The following PDCD1 variants were observed in gnomAD, a reference collection of about 807,000 sequenced individuals.
PDCD1 encodes the protein programmed cell death protein 1.
Under a neutral mutation model 23.6 loss-of-function variants are expected in PDCD1, and 10 were observed. The ratio of observed to expected loss-of-function variants is 0.42; its 90% CI spans 0.26 to 0.72. PDCD1 has a LOEUF of 0.72. PDCD1 is among the 30% of genes least tolerant of loss of function. The pLI is 0.24. For missense variants in PDCD1, 313 were observed against 397.8 expected (o/e 0.79, Z 1.81); for synonymous variants, 168 against 169.3 (o/e 0.99, Z 0.06).
intron 1 of PDCD1, among the ~76,000 whole-genome samples, chr2:241,854,098 A>C (rs116930150): frequency 3.9e-5 from 6 of 152,294 alleles, no homozygotes; most frequent in African/African-American, 1.4e-4. Context: ...CTGGCTGGAC[A>C]CCAGAGGTGG....
rs1329273918 is a variant in PDCD1 at position 241,849,908 on chromosome 2, T to C, written c.*1150A>G. The C allele has an allele frequency of 7.1e-5, 13 of 184,016 alleles. 1 individual carries two copies. In the East Asian group the frequency reaches 1.1e-3, roughly 16 times the overall value. 11.4% of individuals were successfully genotyped at this position (184,016 alleles called of 1,614,324 possible). ...CTTAGCATGCTCTCATATTTAATTATAATTATAATATAATAGAACCACAGG... is the reference window on the plus strand; with the variant it reads ...CTTAGCATGCTCTCATATTTAATTACAATTATAATATAATAGAACCACAGG... On this transcript the variant is annotated 3_prime_UTR_variant, in exon 5 of 5. Coordinates refer to ENST00000334409, the MANE Select transcript of PDCD1 (RefSeq NM_005018.3).
chr2:241,854,100 C>G (rs948228769), intron 1 of PDCD1, among the ~76,000 whole-genome samples: 4 of 152,188 alleles, frequency 2.6e-5, no homozygotes, highest in African/African-American at 9.7e-5. Context: ...GGCTGGACAC[C>G]AGAGGTGGGT....
rs370660750 is a variant in PDCD1 at position 241,852,310 on chromosome 2, G to C, written c.480C>G (p.Pro160=). The C allele has an allele frequency of 1.1e-4, 170 of 1,610,840 alleles. No individual in the cohort carries two copies. The highest frequency in any genetic ancestry group is 1.3e-4 in the Non-Finnish European group (159 of 1,178,772). Residue 160 remains proline (P), a synonymous_variant, in exon 3 of 5, where the codon CCC becomes CCG. Coordinates refer to ENST00000334409, the MANE Select transcript of PDCD1 (RefSeq NM_005018.3). ...EVPTAHPSPS[P]RPAGQFQTLV... is the part of the protein sequence containing the mutation. ...GGGTTTGGAACTGGCCGGCTGGCCT[G>C]GGTGAGGGGCTGGGGTGGGCTGTGG...
rs1182101119 is a variant in PDCD1, at chr2:241,851,962, G to A, written c.614C>T (p.Thr205Ile). ...AGTGAGACTCACCAGGGGCTGGCCG[G>A]TGCGCCTGGCTCCTATTGTCCCTGC... Reference protein sequence around the residue: ...AARGTIGARRTGQPLKEDPSA... With the variant: ...AARGTIGARRIGQPLKEDPSA... The change falls in exon 4 of 5, where the codon ACC becomes ATC. Residue 205 changes from threonine to isoleucine, a missense_variant. This residue lies in a region of PDCD1 where 158 missense variants were observed against 177.5 expected (regional missense o/e 0.89). Coordinates refer to ENST00000334409, the MANE Select transcript of PDCD1 (RefSeq NM_005018.3). 6.2e-7 allele frequency: 1 copy of A among 1,613,724 alleles called. No individual in the cohort carries two copies. Among genetic ancestry groups the A allele is most frequent in the Admixed American group, 1.7e-5 (1 of 60,008 alleles).
intron 3 of PDCD1, 56 bp from the exon 4 acceptor site, chr2:241,852,039 G>A: frequency 2.5e-6 from 4 of 1,569,828 alleles, no homozygotes; most frequent in South Asian, 2.3e-5. Context: ...GCTCCTAGGT[G>A]GGGGGTCTTA....
chr2:241,857,021 G>A (rs1701041327), intron 1 of PDCD1, among the ~76,000 whole-genome samples: 1 of 152,318 alleles, frequency 6.6e-6, no homozygotes, highest in African/African-American at 2.4e-5. Flanking sequence ...GTGGTCCCAC[G>A]CCAAAGCAGA....
chr2:241,858,027 A>T (rs957158562), intron 1 of PDCD1, among the ~76,000 whole-genome samples: 1 of 152,138 alleles, frequency 6.6e-6, no homozygotes, highest in Non-Finnish European at 1.5e-5. Context: ...CGGGCAGCCC[A>T]GGAAGAGGCT....
chr2:241,858,267 A>G (rs1032768740), intron 1 of PDCD1, among the ~76,000 whole-genome samples: 3 of 152,230 alleles, frequency 2.0e-5, no homozygotes, highest in Admixed American at 6.5e-5. Context: ...AGCCAAGGTT[A>G]GTCCCACATG....
At chr2:241,857,161 G>A (rs1701045232) in intron 1 of PDCD1, among the ~76,000 whole-genome samples, 2 of 152,200 alleles carry the variant, frequency 1.3e-5, no homozygotes, top group South Asian at 2.1e-4. Flanking sequence ...AATGGCGAAC[G>A]CAGTGAATAG....
At chr2:241,858,035 G>T (rs1239118686) in intron 1 of PDCD1, among the ~76,000 whole-genome samples, 1 of 152,152 alleles carries the variant, frequency 6.6e-6, no homozygotes, top group East Asian at 1.9e-4. Context: ...CCAGGAAGAG[G>T]CTCCCTCTCT....
rs1402065521 is a variant in PDCD1 at position 241,852,341 on chromosome 2, T to G, written c.449A>C (p.Glu150Ala). 1 of 1,583,018 alleles carries G rather than the reference T, an allele frequency of 6.3e-7. No individual in the cohort carries two copies. Among genetic ancestry groups the G allele is most frequent in the African/African-American group, 1.4e-5 (1 of 73,920 alleles). Reference sequence around the variant, plus strand: ...GGGGCTGGGGTGGGCTGTGGGCACTTCTGCCCTTCTCTCTGGAAGGGCACA... The same window carrying G: ...GGGGCTGGGGTGGGCTGTGGGCACTGCTGCCCTTCTCTCTGGAAGGGCACA... ...AELRVTERRA[E>A]VPTAHPSPSP... is the part of the protein sequence containing the mutation. Residue 150 changes from glutamate to alanine, a missense_variant, in exon 3 of 5, where the codon GAA (glutamate) becomes GCA (alanine). This residue lies in a region of PDCD1 where 20 missense variants were observed against 53.3 expected (regional missense o/e 0.38). Transcript: ENST00000334409.
intron 1 of PDCD1, among the ~76,000 whole-genome samples, chr2:241,856,547 G>C: frequency 6.6e-6 from 1 of 152,206 alleles, no homozygotes; most frequent in East Asian, 1.9e-4. Context: ...AAAAATATGT[G>C]TCATGGAGGC....
At chr2:241,855,878 G>A (rs992671810) in intron 1 of PDCD1, among the ~76,000 whole-genome samples, 1 of 152,172 alleles carries the variant, frequency 6.6e-6, no homozygotes, top group African/African-American at 2.4e-5. Flanking sequence ...GAGGTGGGAA[G>A]GGCTGTGGGC....
intron 1 of PDCD1, among the ~76,000 whole-genome samples, chr2:241,853,765 G>T (rs1010024136): frequency 6.6e-6 from 1 of 152,282 alleles, no homozygotes; most frequent in African/African-American, 2.4e-5. Flanking sequence ...AGGCGCTTAA[G>T]ATCCAGGCCC....
chr2:241,851,600 C>T lies in PDCD1; in HGVS notation c.628-303G>A, dbSNP rs55920145. Among the ~76,000 whole-genome samples the T allele has an allele frequency of 2.7e-3, 414 of 152,360 alleles. 2 individuals carry two copies. The highest frequency in any genetic ancestry group is 9.7e-3 in the African/African-American group (404 of 41,578). On this transcript the variant is annotated intron_variant, in intron 4 of 4. Coordinates refer to ENST00000334409, the MANE Select transcript of PDCD1 (RefSeq NM_005018.3). ...AATGACCAAGCCCACCCCACGCCCT[C>T]GCAGGTGGGCACACGCATGGGCCGG...
Position 241,851,889 on chromosome 2 carries a change from A to G in PDCD1, c.627+60T>C, listed in dbSNP as rs537447066. On this transcript the variant is annotated intron_variant, in intron 4 of 4. Coordinates refer to ENST00000334409, the MANE Select transcript of PDCD1 (RefSeq NM_005018.3). ...CCGTGTGGTCCCAGCCTGTCCTTCC[A>G]CCTCTGCCCACCCAGGAAGGAAGGC... The G allele has an allele frequency of 6.9e-5, 105 of 1,525,140 alleles. 1 individual carries two copies. Among genetic ancestry groups the G allele is most frequent in the Non-Finnish European group, 1.8e-6 (2 of 1,099,284 alleles). 94.5% of individuals were successfully genotyped at this position (1,525,140 alleles called of 1,614,324 possible).
chr2:241,850,890 TGGG>T lies in PDCD1; in HGVS notation c.*165_*167del. 1 of 783,428 alleles carries T rather than the reference TGGG, an allele frequency of 1.3e-6. No homozygotes were observed. Among genetic ancestry groups the T allele is most frequent in the Non-Finnish European group, 2.0e-6 (1 of 496,140 alleles). The allele number at this position is 783,428 out of a possible 1,614,324, so 48.5% of individuals were successfully genotyped here. On this transcript the variant is annotated 3_prime_UTR_variant, in exon 5 of 5. Transcript: ENST00000334409. ...GGGCATTGAGACATGAGTCCTGTGGTGGGGCTGTGCCTGGTGCAGGTGCAGGCT... is the reference window on the plus strand; with the variant it reads ...GGGCATTGAGACATGAGTCCTGTGGTGCTGTGCCTGGTGCAGGTGCAGGCT...
At chr2:241,853,088 C>A (rs1431037481) in intron 1 of PDCD1, 108 bp from the exon 2 acceptor site, 2 of 1,323,662 alleles carry the variant, frequency 1.5e-6, no homozygotes, top group African/African-American at 2.9e-5. Flanking sequence ...GCCACCCCAG[C>A]TGGAATGTCA....
intron 1 of PDCD1, among the ~76,000 whole-genome samples, chr2:241,856,876 G>A (rs141105207): frequency 1.5e-3 from 222 of 152,292 alleles, no homozygotes; most frequent in African/African-American, 4.9e-3. Context: ...CAGATGACCC[G>A]ATTTAATCCT....
Sources: gnomAD v4.1 joint callset for allele counts (sites outside exome capture counted in the v4.1 genomes callset) on GRCh38, gnomAD v4.1.1 for gene constraint, gnomAD v4.1.1 regional missense constraint, MANE v1.5 for transcripts, NCBI Gene and HGNC (gene_info 2026-07-23, HGNC 2026-07-21) for gene names.